The following ZNF124 variants were observed in gnomAD, a reference collection of about 807,000 sequenced individuals.
The protein encoded by ZNF124 is zinc finger protein 124.
In ZNF124, 25 loss-of-function variants were observed where a neutral mutation model predicts 26.6. That is an observed-to-expected ratio of 0.94 (90% CI 0.68 to 1.31). The LOEUF (loss-of-function observed/expected upper bound fraction) is 1.31, where lower values mean the gene tolerates loss of function less well. Among genes scored for constraint, ZNF124 ranks in the 40% most tolerant of loss-of-function variants. The pLI is 0.00. For missense variants in ZNF124, 444 were observed against 422.2 expected (o/e 1.05, Z -0.45); for synonymous variants, 129 against 133.3 (o/e 0.97, Z 0.22).
At chr1:247,157,458 G>A (rs200466043) in intron 3 of ZNF124, 55 bp from the exon 4 acceptor site, 319 of 1,504,464 alleles carry the variant, frequency 2.1e-4, no homozygotes, top group Non-Finnish European at 2.7e-4. Context: ...GCATTCATGT[G>A]GTTTTACTCT....
downstream of ZNF124, among the ~76,000 whole-genome samples, chr1:247,152,284 A>C (rs1672968420): frequency 6.7e-6 from 1 of 148,388 alleles, no homozygotes; most frequent in Admixed American, 6.7e-5. Flanking sequence ...TACAATTTCT[A>C]GGTTAAAAAC....
chr1:247,152,414 G>A (rs1672972753), downstream of ZNF124, among the ~76,000 whole-genome samples: 1 of 151,548 alleles, frequency 6.6e-6, no homozygotes, highest in African/African-American at 2.4e-5. Flanking sequence ...AAACAGAGTA[G>A]GTATTGTGAA....
At chr1:247,139,836 G>T (rs561032023) in intron 3 of ZNF124, among the ~76,000 whole-genome samples, 1 of 152,120 alleles carries the variant, frequency 6.6e-6, no homozygotes, top group Non-Finnish European at 1.5e-5. Flanking sequence ...GTCTTTTCTG[G>T]CTTATAGGGT....
chr1:247,165,168 G>A (rs945440935), intron 1 of ZNF124, among the ~76,000 whole-genome samples: 14 of 152,116 alleles, frequency 9.2e-5, no homozygotes, highest in East Asian at 1.9e-4. Flanking sequence ...GGGTTTCACC[G>A]TGTTAGCGAG....
At chr1:247,143,438 CAT>C (rs1485329429) in intron 3 of ZNF124, among the ~76,000 whole-genome samples, 1 of 152,044 alleles carries the variant, frequency 6.6e-6, no homozygotes, top group Non-Finnish European at 1.5e-5. Context: ...GACGGATGAA[CAT>C]GTGTCCTGGT....
chr1:247,169,289 T>C (rs1401380706), intron 1 of ZNF124, among the ~76,000 whole-genome samples: 2 of 152,164 alleles, frequency 1.3e-5, no homozygotes, highest in African/African-American at 4.8e-5. Flanking sequence ...GGTCTCCTCA[T>C]TGGAGAGACC....
At chr1:247,152,254 GAC>G (rs1443574349), downstream of ZNF124, among the ~76,000 whole-genome samples, 1 of 150,720 alleles carries the variant, frequency 6.6e-6, no homozygotes, top group Non-Finnish European at 1.5e-5. Flanking sequence ...TTGACACTGC[GAC>G]AGTGTTTAAA....
downstream of ZNF124, among the ~76,000 whole-genome samples, chr1:247,154,123 CA>C (rs1673023345): frequency 6.8e-6 from 1 of 146,288 alleles, no homozygotes; most frequent in African/African-American, 2.8e-5. Context: ...GTGTGACACA[CA>C]CACACACACA....
chr1:247,153,457 G>C (rs779755285), downstream of ZNF124, among the ~76,000 whole-genome samples: 1 of 152,180 alleles, frequency 6.6e-6, no homozygotes, highest in Non-Finnish European at 1.5e-5. Flanking sequence ...AAGTCACGGA[G>C]TGCCTTTAAC....
At chr1:247,158,570 A>G (rs1306419114) in intron 3 of ZNF124, among the ~76,000 whole-genome samples, 1 of 152,126 alleles carries the variant, frequency 6.6e-6, no homozygotes, top group African/African-American at 2.4e-5. Flanking sequence ...ATTGAAGTAT[A>G]TATTTTTGGT....
chr1:247,169,050 A>G (rs1286133944), intron 1 of ZNF124, among the ~76,000 whole-genome samples: 5 of 152,164 alleles, frequency 3.3e-5, no homozygotes, highest in Non-Finnish European at 5.9e-5. Context: ...TGGATTTAAA[A>G]TATCTACATA....
At chr1:247,126,355 G>A (rs1672224329) in intron 3 of ZNF124, among the ~76,000 whole-genome samples, 1 of 88,884 alleles carries the variant, frequency 1.1e-5, no homozygotes, top group South Asian at 4.6e-4. Context: ...TACCCAATCA[G>A]GGGCACCGGG....
intron 3 of ZNF124, 174 bp from the exon 4 acceptor site, chr1:247,157,577 C>T (rs1370856968): frequency 3.1e-6 from 2 of 638,230 alleles, no homozygotes; most frequent in Non-Finnish European, 5.6e-6. Flanking sequence ...CAAAAAATGA[C>T]AACCCCATCA....
At chr1:247,157,455 T>A in intron 3 of ZNF124, 52 bp from the exon 4 acceptor site, 2 of 1,519,734 alleles carry the variant, frequency 1.3e-6, no homozygotes, top group Non-Finnish European at 8.9e-7. Flanking sequence ...AATGCATTCA[T>A]GTGGTTTTAC....
At chr1:247,150,262 T>C (rs1453089332), downstream of ZNF124, among the ~76,000 whole-genome samples, 7 of 152,130 alleles carry the variant, frequency 4.6e-5, no homozygotes, top group Admixed American at 3.3e-4. Context: ...TACAAATAAA[T>C]AAAATATGAA....
At chr1:247,159,088 A>C in intron 2 of ZNF124, 22 bp from the exon 3 acceptor site, 1 of 1,598,736 alleles carries the variant, frequency 6.3e-7, no homozygotes, top group Non-Finnish European at 8.5e-7. Flanking sequence ...ACCCAGAAAT[A>C]TATTACAAAT....
chr1:247,136,828 T>C (rs1323486080), intron 3 of ZNF124, among the ~76,000 whole-genome samples: 4 of 151,740 alleles, frequency 2.6e-5, no homozygotes, highest in Non-Finnish European at 5.9e-5. Flanking sequence ...GCACCTATAA[T>C]CCTTGCTGCT....
At chr1:247,151,468 G>A (rs1195660096), downstream of ZNF124, among the ~76,000 whole-genome samples, 1 of 143,026 alleles carries the variant, frequency 7.0e-6, no homozygotes, top group Non-Finnish European at 1.5e-5. Flanking sequence ...GACAGAGTGA[G>A]ACTCCGTCTC....
At chr1:247,134,472 C>T (rs2103101798) in intron 3 of ZNF124, among the ~76,000 whole-genome samples, 1 of 152,238 alleles carries the variant, frequency 6.6e-6, no homozygotes, top group East Asian at 1.9e-4. Context: ...TCTGACAAAA[C>T]AGACTTGAAA....
Sources: allele counts gnomAD v4.1 joint callset (sites outside exome capture counted in the v4.1 genomes callset), GRCh38; gene constraint gnomAD v4.1.1; transcripts MANE v1.5; gene names NCBI Gene and HGNC (gene_info 2026-07-23, HGNC 2026-07-21).